HADH: variants seen among roughly 807,000 people sequenced by gnomAD.
HADH encodes hydroxyacyl-coenzyme A dehydrogenase, mitochondrial.
In HADH, 24 loss-of-function variants were observed where a neutral mutation model predicts 32.2. The ratio of observed to expected loss-of-function variants is 0.75; its 90% CI spans 0.54 to 1.05. The LOEUF (loss-of-function observed/expected upper bound fraction) is 1.05, where lower values mean the gene tolerates loss of function less well. Among genes scored for constraint, HADH ranks in the 50% least tolerant of loss-of-function variants. The pLI, the probability that HADH is intolerant of heterozygous loss-of-function variation, is 0.00. For synonymous variants in HADH, 139 were observed against 152.5 expected (o/e 0.91, Z 0.65); for missense variants, 350 against 397.1 (o/e 0.88, Z 1.01).
At chr4:108,026,083 C>G (rs772849090) in intron 5 of HADH, 6 of 151,862 alleles carry the variant, frequency 4.0e-5, no homozygotes, top group Non-Finnish European at 5.9e-5. Context: ...GCAGTGTCTC[C>G]CAGGTTGGAT....
At chr4:108,015,105 T>C (rs1735649600) in intron 3 of HADH, among the ~76,000 whole-genome samples, 1 of 152,212 alleles carries the variant, frequency 6.6e-6, no homozygotes, top group Non-Finnish European at 1.5e-5. Context: ...AGTGCAGGTA[T>C]CTTTTTGATA....
In HADH at chr4:107,989,966, G is replaced by A. The variant is rs139920805; in HGVS notation, c.34G>A (p.Val12Met). 6.8e-6 allele frequency: 11 copies of A among 1,612,830 alleles called. No individual in the cohort carries two copies. Among genetic ancestry groups the A allele is most frequent in the Non-Finnish European group, 9.3e-6 (11 of 1,179,622 alleles). The change falls in exon 1 of 8, where the codon GTG becomes ATG. Residue 12 changes from valine to methionine, a missense_variant. Coordinates refer to ENST00000309522, the MANE Select transcript of HADH (RefSeq NM_005327.7). ...AFVTRQFMRS[V>M]SSSSTASASA... is the part of the protein sequence containing the mutation. Reference sequence around the variant, plus strand: ...CGTCACCAGGCAGTTCATGCGTTCCGTGTCCTCCTCGTCCACCGCCTCGGC... The same window carrying A: ...CGTCACCAGGCAGTTCATGCGTTCCATGTCCTCCTCGTCCACCGCCTCGGC...
rs755730411 is a variant in HADH at position 108,019,547 on chromosome 4, A to G, written c.427A>G (p.Ile143Val). 9 of 1,613,820 alleles carry G rather than the reference A, an allele frequency of 5.6e-6. No individual in the cohort carries two copies. The highest frequency in any genetic ancestry group is 1.1e-5 in the South Asian group (1 of 91,082). The stretch of plus-strand genomic sequence containing the variant: ...TATATTTTCTCTTCACAGACATACA[A>G]TCTTTGCCAGCAACACTTCCTCCTT... Reference protein sequence around the residue: ...RLDKFAAEHTIFASNTSSLQI... With the variant: ...RLDKFAAEHTVFASNTSSLQI... The change falls in exon 4 of 8, where the codon ATC becomes GTC. Residue 143 changes from isoleucine (I) to valine (V), a missense_variant. Physicochemically the swap from Ile to Val is conservative, Grantham distance 29. Transcript: ENST00000309522.
intron 1 of HADH, among the ~76,000 whole-genome samples, chr4:108,002,620 T>A (rs1735154041): frequency 6.6e-6 from 1 of 152,226 alleles, no homozygotes. Flanking sequence ...AGAAAAATTG[T>A]CTTCCGTGAA....
rs1735418748 is a variant in HADH at position 108,009,765 on chromosome 4, G to A, written c.139G>A (p.Ala47Thr). Reference protein sequence around the residue: ...LMGAGIAQVAAATGHTVVLVD... With the variant: ...LMGAGIAQVATATGHTVVLVD... The stretch of plus-strand genomic sequence containing the variant: ...TGTTCTTTTGTTGCTCTAGGTTGCT[G>A]CAGCAACTGGTCACACAGTAGTGTT... Residue 47 changes from alanine (A) to threonine (T), a missense_variant, in exon 2 of 8, where the codon GCA becomes ACA. Coordinates refer to ENST00000309522, the MANE Select transcript of HADH (RefSeq NM_005327.7). 6.2e-7 allele frequency: 1 copy of A among 1,613,636 alleles called. No individual in the cohort carries two copies. Among genetic ancestry groups the A allele is most frequent in the Non-Finnish European group, 8.5e-7 (1 of 1,179,550 alleles).
intron 1 of HADH, among the ~76,000 whole-genome samples, chr4:107,990,921 T>C (rs1450207575): frequency 6.6e-6 from 1 of 152,086 alleles, no homozygotes; most frequent in Non-Finnish European, 1.5e-5. Context: ...TTTATATTTT[T>C]AGTAGAGACA....
At chr4:107,990,115 G>A in intron 1 of HADH, 51 bp downstream of exon 1, 1 of 1,563,942 alleles carries the variant, frequency 6.4e-7, no homozygotes. Flanking sequence ...CCCACCCTGA[G>A]GTGGAAGCTC....
chr4:108,022,462 C>T lies in HADH; in HGVS notation c.547-1012C>T, dbSNP rs1186957343. Among the ~76,000 whole-genome samples the T allele has an allele frequency of 2.6e-5, 4 of 152,138 alleles. No homozygotes were observed. In the East Asian group the frequency reaches 5.8e-4, roughly 22 times the overall value. On this transcript the variant is annotated intron_variant, in intron 4 of 7. Coordinates refer to ENST00000309522, the MANE Select transcript of HADH (RefSeq NM_005327.7). ...GAGGGCTGCTGGAGCAGGTGGCAGGCCCCGCTTGCTGTAAATGAAAGCCTT... is the reference window on the plus strand; with the variant it reads ...GAGGGCTGCTGGAGCAGGTGGCAGGTCCCGCTTGCTGTAAATGAAAGCCTT...
chr4:108,033,039 C>G (rs1034472031), intron 6 of HADH, 137 bp from the exon 7 acceptor site: 7 of 747,728 alleles, frequency 9.4e-6, no homozygotes, highest in Admixed American at 7.5e-5. Flanking sequence ...AAATCTTACC[C>G]AAGCCAGAAA....
At chr4:108,026,566 T>C (rs1015679636) in intron 5 of HADH, 1 of 152,210 alleles carries the variant, frequency 6.6e-6, no homozygotes, top group Non-Finnish European at 1.5e-5. Context: ...ATCTTTGTGC[T>C]CATGTGGCAA....
rs770971896 is a variant in HADH at position 108,019,564 on chromosome 4, TTCC to T, written c.449_451del (p.Ser150del). 1 of 1,613,806 alleles carries T rather than the reference TTCC, an allele frequency of 6.2e-7. No individual in the cohort carries two copies. Among genetic ancestry groups the T allele is most frequent in the South Asian group, 1.1e-5 (1 of 91,078 alleles). On this transcript the variant is annotated inframe_deletion, in exon 4 of 8. Transcript: ENST00000309522. ...GACATACAATCTTTGCCAGCAACAC[TTCC>T]TCCTTGCAGATTACAAGCATAGCTA...
At chr4:107,993,170 T>C (rs904157565) in intron 1 of HADH, among the ~76,000 whole-genome samples, 1 of 152,196 alleles carries the variant, frequency 6.6e-6, no homozygotes, top group African/African-American at 2.4e-5. Context: ...TCCTGTCCTT[T>C]TGCCCTTTTC....
At chr4:108,020,739 T>A (rs1735859193) in intron 4 of HADH, among the ~76,000 whole-genome samples, 1 of 152,116 alleles carries the variant, frequency 6.6e-6, no homozygotes, top group Non-Finnish European at 1.5e-5. Context: ...GTTGAGGAGT[T>A]ATTGCCCTGC....
intron 1 of HADH, 95 bp downstream of exon 1, chr4:107,990,159 C>G (rs1578238194): frequency 7.6e-7 from 1 of 1,319,060 alleles, no homozygotes; most frequent in East Asian, 2.5e-5. Flanking sequence ...CTGCACCCGC[C>G]CGACACCAGG....
intron 4 of HADH, among the ~76,000 whole-genome samples, chr4:108,022,797 TC>T (rs1735937437): frequency 6.6e-6 from 1 of 152,126 alleles, no homozygotes; most frequent in East Asian, 1.9e-4. Context: ...CACCTCAACT[TC>T]CTGAGGTGAA....
intron 2 of HADH, among the ~76,000 whole-genome samples, chr4:108,012,005 C>T (rs1735512382): frequency 2.0e-5 from 3 of 152,068 alleles, no homozygotes. Flanking sequence ...CATTCTCTCA[C>T]CTCAGCCTCC....
At chr4:108,014,612 C>CT (rs550348868) in intron 3 of HADH, 24 bp downstream of exon 3, 2,193 of 1,268,284 alleles carry the variant, frequency 1.7e-3, no homozygotes, top group African/African-American at 3.7e-3. Context: ...GGACAATCTT[C>CT]TTTTTTTTTT....
chr4:108,014,709 T>A, intron 3 of HADH, 121 bp downstream of exon 3: 1 of 848,532 alleles, frequency 1.2e-6, no homozygotes, highest in Non-Finnish European at 1.9e-6. Flanking sequence ...ATGCCTATAT[T>A]GTGTAGTGGT....
At chr4:108,019,917 G>C (rs749742724) in intron 4 of HADH, among the ~76,000 whole-genome samples, 15 of 152,246 alleles carry the variant, frequency 9.9e-5, no homozygotes, top group Non-Finnish European at 2.1e-4. Context: ...TGCCAGAGCT[G>C]ATGGGCAGTG....
Sources: gnomAD v4.1 joint callset for allele counts (sites outside exome capture counted in the v4.1 genomes callset) on GRCh38, gnomAD v4.1.1 for gene constraint, MANE v1.5 for transcripts, NCBI Gene and HGNC (gene_info 2026-07-23, HGNC 2026-07-21) for gene names.